PRKG2: variants seen among roughly 807,000 people sequenced by gnomAD.
PRKG2 encodes the protein protein kinase cGMP-dependent 2, also known as cGMP-dependent protein kinase 2.
Under a neutral mutation model 97.2 loss-of-function variants are expected in PRKG2, and 33 were observed. The observed-to-expected ratio is 0.34, with a 90% confidence interval of 0.26 to 0.45. PRKG2 has a LOEUF of 0.45. Ranked by LOEUF, PRKG2 falls within the 20% of genes least tolerant of loss-of-function variation. PRKG2 has a pLI of 1.00. For synonymous variants in PRKG2, 330 were observed against 321.8 expected, an observed-to-expected ratio of 1.03 and a Z score of -0.27; for missense variants, 638 against 900.0, an observed-to-expected ratio of 0.71 and a Z score of 3.73.
intron 6 of PRKG2, among the ~76,000 whole-genome samples, chr4:81,155,367 G>A (rs906743242): frequency 1.3e-5 from 2 of 151,776 alleles, no homozygotes; most frequent in African/African-American, 4.9e-5. Context: ...AAGCGAGAAG[G>A]GAAGTTTAGA....
chr4:81,099,092 GA>G (rs1227592448), intron 17 of PRKG2, among the ~76,000 whole-genome samples: 1 of 152,154 alleles, frequency 6.6e-6, no homozygotes, highest in African/African-American at 2.4e-5. Flanking sequence ...CTTCTTTTGA[GA>G]TAGGTGTTGG....
chr4:81,182,169 A>G (rs1419657017), intron 2 of PRKG2, among the ~76,000 whole-genome samples: 1 of 151,958 alleles, frequency 6.6e-6, no homozygotes, highest in Non-Finnish European at 1.5e-5. Context: ...AAAATAAAAT[A>G]TAATATCCCT....
chr4:81,186,232 C>A (rs1751869515), intron 2 of PRKG2, among the ~76,000 whole-genome samples: 1 of 152,166 alleles, frequency 6.6e-6, no homozygotes, highest in Non-Finnish European at 1.5e-5. Flanking sequence ...ATAAAACACT[C>A]CTCAGCAAAT....
chr4:81,186,715 G>C (rs992902421), intron 2 of PRKG2, among the ~76,000 whole-genome samples: 3 of 152,086 alleles, frequency 2.0e-5, no homozygotes, highest in Non-Finnish European at 4.4e-5. Flanking sequence ...TAACAAAATA[G>C]ATAGACCCCT....
At chr4:81,185,457 T>TA (rs770026972) in intron 2 of PRKG2, among the ~76,000 whole-genome samples, 5 of 152,150 alleles carry the variant, frequency 3.3e-5, no homozygotes, top group South Asian at 2.1e-4. Flanking sequence ...AGGCCTGCCT[T>TA]ACAAGAGCTC....
rs1225640361 is a variant in PRKG2 at position 81,088,698 on chromosome 4, A to G, written c.*1010T>C. On this transcript the variant is annotated 3_prime_UTR_variant, in exon 19 of 19. Coordinates refer to ENST00000264399, the MANE Select transcript of PRKG2 (RefSeq NM_006259.3). Reference sequence around the variant, plus strand: ...CTTTAAAAAGCGCTATTAACTCAGCAGTGACTACAGTGCATCAACATTTGT... The same window carrying G: ...CTTTAAAAAGCGCTATTAACTCAGCGGTGACTACAGTGCATCAACATTTGT... 3.9e-5 allele frequency: 6 copies of G among 152,206 alleles called. No homozygotes were observed. The highest frequency in any genetic ancestry group is 1.2e-4 in the African/African-American group (5 of 41,458). The allele number at this position is 152,206 out of a possible 1,614,324, so 9.4% of individuals were successfully genotyped here.
intron 2 of PRKG2, chr4:81,176,163 A>C (rs1207244251): frequency 6.6e-6 from 1 of 152,152 alleles, no homozygotes; most frequent in East Asian, 1.9e-4. Flanking sequence ...ACTCAAAGCT[A>C]TTCAAATTAT....
At chr4:81,107,071 T>C (rs1204849823) in intron 15 of PRKG2, among the ~76,000 whole-genome samples, 1 of 152,170 alleles carries the variant, frequency 6.6e-6, no homozygotes, top group Non-Finnish European at 1.5e-5. Context: ...GAATAAGGCA[T>C]GTGGGAGAAA....
chr4:81,101,032 G>A (rs1183611215), intron 17 of PRKG2, among the ~76,000 whole-genome samples: 1 of 152,046 alleles, frequency 6.6e-6, no homozygotes, highest in African/African-American at 2.4e-5. Context: ...TCTCACACCA[G>A]TTAGAATGGC....
chr4:81,187,136 T>C (rs1751953467), intron 2 of PRKG2, among the ~76,000 whole-genome samples: 1 of 152,136 alleles, frequency 6.6e-6, no homozygotes, highest in Admixed American at 6.6e-5. Flanking sequence ...GAGGCCAGCA[T>C]CATCCTGATA....
intron 2 of PRKG2, among the ~76,000 whole-genome samples, chr4:81,178,759 C>T (rs759176609): frequency 1.3e-4 from 19 of 151,210 alleles, no homozygotes; most frequent in African/African-American, 2.2e-4. Context: ...GTTGAACATA[C>T]GTATAATCTG....
rs1420314993 is a variant in PRKG2, at chr4:81,153,760, GGA to G, written c.913-41_913-40del. On this transcript the variant is annotated intron_variant, in intron 6 of 18. Transcript: ENST00000264399. ...AGAGAAAGAAAATGTAAGAGCGGGT[GGA>G]GCCAAGATGGCCTAATAGGAACAGC... The G allele has an allele frequency of 2.0e-6, 3 of 1,492,094 alleles. No individual in the cohort carries two copies. The African/African-American group carries it at 4.2e-5, about 21-fold the overall frequency. The allele number at this position is 1,492,094 out of a possible 1,614,324, so 92.4% of individuals were successfully genotyped here.
At chr4:81,213,002 T>G (rs1754083412) in intron 1 of PRKG2, among the ~76,000 whole-genome samples, 1 of 152,192 alleles carries the variant, frequency 6.6e-6, no homozygotes, top group Non-Finnish European at 1.5e-5. Flanking sequence ...AGTATTACTA[T>G]CTACTCTTCA....
intron 17 of PRKG2, among the ~76,000 whole-genome samples, chr4:81,095,343 T>G (rs1742011271): frequency 6.6e-6 from 1 of 152,192 alleles, no homozygotes; most frequent in Non-Finnish European, 1.5e-5. Flanking sequence ...GTCCTCTCTT[T>G]GTTCTACCCA....
chr4:81,183,723 C>T (rs1751626933), intron 2 of PRKG2, among the ~76,000 whole-genome samples: 1 of 152,144 alleles, frequency 6.6e-6, no homozygotes, highest in Admixed American at 6.5e-5. Flanking sequence ...CCACAGAGAC[C>T]AGCAAGCTAA....
chr4:81,090,109 G>A (rs1741396166), intron 18 of PRKG2, among the ~76,000 whole-genome samples: 1 of 152,176 alleles, frequency 6.6e-6, no homozygotes, highest in Non-Finnish European at 1.5e-5. Flanking sequence ...TGTAATCCCA[G>A]CACTTTGGGA....
intron 14 of PRKG2, among the ~76,000 whole-genome samples, chr4:81,112,452 T>C (rs1049397662): frequency 2.0e-5 from 3 of 152,190 alleles, no homozygotes; most frequent in South Asian, 2.1e-4. Context: ...ATTGTTTTGT[T>C]GGTTTATAAC....
At chr4:81,120,037 A>G (rs1049128976) in intron 14 of PRKG2, among the ~76,000 whole-genome samples, 3 of 152,146 alleles carry the variant, frequency 2.0e-5, no homozygotes, top group South Asian at 4.1e-4. Context: ...CCATATTTCT[A>G]TATTTGAGTC....
intron 9 of PRKG2, among the ~76,000 whole-genome samples, chr4:81,145,401 A>T (rs947611446): frequency 2.0e-5 from 3 of 152,164 alleles, no homozygotes; most frequent in Admixed American, 6.6e-5. Flanking sequence ...TCAAGAATAA[A>T]ATTTATCTCT....
Sources: gnomAD v4.1 joint callset for allele counts (sites outside exome capture counted in the v4.1 genomes callset) on GRCh38, gnomAD v4.1.1 for gene constraint, MANE v1.5 for transcripts, NCBI Gene and HGNC (gene_info 2026-07-23, HGNC 2026-07-21) for gene names.